RMC1: variants seen among roughly 807,000 people sequenced by gnomAD.
RMC1 encodes regulator of MON1-CCZ1.
In RMC1, 44 loss-of-function variants were observed where a neutral mutation model predicts 95.5. The ratio of observed to expected loss-of-function variants is 0.46; its 90% CI spans 0.36 to 0.59. The LOEUF (loss-of-function observed/expected upper bound fraction) is 0.59. RMC1 is among the 20% of genes least tolerant of loss of function. The pLI is 0.00. For missense variants in RMC1, 705 were observed against 819.6 expected (o/e 0.86, Z 1.71); for synonymous variants, 320 against 303.6 (o/e 1.05, Z -0.56).
intron 12 of RMC1, among the ~76,000 whole-genome samples, chr18:23,525,056 C>T (rs1240722408): frequency 1.4e-5 from 2 of 145,412 alleles, no homozygotes; most frequent in Non-Finnish European, 3.0e-5. Flanking sequence ...AAGCGATTCT[C>T]CTGCCTCAGC....
At chr18:23,503,508 C>A, upstream of RMC1, 1 of 632,182 alleles carries the variant, frequency 1.6e-6, no homozygotes. Context: ...CCGCGCCGGG[C>A]CCAGAGCCGC....
At chr18:23,520,909 G>A (rs1238026400) in intron 10 of RMC1, among the ~76,000 whole-genome samples, 1 of 152,174 alleles carries the variant, frequency 6.6e-6, no homozygotes, top group Non-Finnish European at 1.5e-5. Flanking sequence ...GTAGAGATGG[G>A]GTTTCACCAT....
In RMC1 at chr18:23,529,667, G is replaced by C. The variant is rs2058426494; in HGVS notation, c.1449G>C (p.Leu483=). 6.2e-7 allele frequency: 1 copy of C among 1,613,988 alleles called. No individual in the cohort carries two copies. Among genetic ancestry groups the C allele is most frequent in the Non-Finnish European group, 8.5e-7 (1 of 1,180,020 alleles). ...EMPHKFVIAV[L]MEYIRSLNQF... is the part of the protein sequence containing the mutation. ...CTCATAAATTTGTGATAGCCGTGCT[G>C]ATGGAATACATTCGTTCTCTTAACC... The change falls in exon 16 of 20, where the codon CTG becomes CTC. Residue 483 remains leucine (L), a synonymous_variant. Transcript: ENST00000269221.
intron 5 of RMC1, among the ~76,000 whole-genome samples, chr18:23,511,266 A>G (rs2057850830): frequency 6.6e-6 from 1 of 151,976 alleles, no homozygotes; most frequent in African/African-American, 2.4e-5. Flanking sequence ...TCTAAGTGGG[A>G]GCTAAATGTA....
chr18:23,519,497 G>A (rs545767332), intron 9 of RMC1, among the ~76,000 whole-genome samples: 48 of 151,372 alleles, frequency 3.2e-4, no homozygotes, highest in African/African-American at 1.0e-3. Context: ...CAGCCTGGGT[G>A]ATGGAGCAAG....
At chr18:23,522,530 G>C (rs560475721) in intron 10 of RMC1, 2 of 152,212 alleles carry the variant, frequency 1.3e-5, no homozygotes, top group African/African-American at 4.8e-5. Flanking sequence ...TGTATTTTAT[G>C]TGTGGCCCAA....
chr18:23,517,119 C>T (rs1465486492), intron 7 of RMC1, among the ~76,000 whole-genome samples: 2 of 151,498 alleles, frequency 1.3e-5, no homozygotes, highest in African/African-American at 2.4e-5. Context: ...AACTAAATTA[C>T]GTATATATAG....
chr18:23,514,506 G>A (rs888019556), intron 5 of RMC1, among the ~76,000 whole-genome samples: 10 of 151,864 alleles, frequency 6.6e-5, no homozygotes, highest in South Asian at 4.2e-4. Context: ...GCGGTGAGCC[G>A]AGATTGTGCC....
At chr18:23,518,647 C>CT (rs2058069851) in intron 7 of RMC1, among the ~76,000 whole-genome samples, 1 of 152,154 alleles carries the variant, frequency 6.6e-6, no homozygotes, top group South Asian at 2.1e-4. Context: ...ATTTTAGACT[C>CT]TATGCTTAGG....
intron 14 of RMC1, 95 bp downstream of exon 14, chr18:23,527,996 T>G: frequency 2.0e-6 from 2 of 1,025,602 alleles, no homozygotes; most frequent in African/African-American, 1.6e-5. Flanking sequence ...TCCTATATAT[T>G]AGAATAAGGT....
chr18:23,515,951 G>C lies in RMC1; in HGVS notation c.504G>C (p.Leu168=). The stretch of plus-strand genomic sequence containing the variant: ...GCCCCGAGAGCGCCGTGATCTTGCT[G>C]TCTACCACGGTCCTGGAGAATGTCC... ...MYCPESAVIL[L]STTVLENVLQ... Residue 168 remains leucine (L), a synonymous_variant, in exon 6 of 20, where the codon CTG becomes CTC. Coordinates refer to ENST00000269221, the MANE Select transcript of RMC1 (RefSeq NM_013326.5). 1 of 1,614,126 alleles carries C rather than the reference G, an allele frequency of 6.2e-7. No individual in the cohort carries two copies.
chr18:23,529,994 G>T (rs763240117), intron 16 of RMC1, 34 bp from the exon 17 acceptor site: 1 of 1,554,898 alleles, frequency 6.4e-7, no homozygotes, highest in Non-Finnish European at 8.9e-7. Flanking sequence ...GAATGATTTG[G>T]AAGTGTTCTT....
In RMC1 at chr18:23,531,783, TG is replaced by T; in HGVS notation, c.*80del. The T allele has an allele frequency of 6.4e-7, 1 of 1,553,914 alleles. No homozygotes were observed. Among genetic ancestry groups the T allele is most frequent in the South Asian group, 1.2e-5 (1 of 81,700 alleles). ...TAATAAAGCTCTTTAAACTATAAAA[TG>T]TTATAAAGTGTATCTACAACCTCAA... On this transcript the variant is annotated 3_prime_UTR_variant, in exon 20 of 20. Transcript: ENST00000269221.
At chr18:23,518,453 C>G (rs774494301) in intron 7 of RMC1, among the ~76,000 whole-genome samples, 4 of 151,922 alleles carry the variant, frequency 2.6e-5, no homozygotes, top group Non-Finnish European at 4.4e-5. Context: ...GTGGTTGCAC[C>G]ACTGCATTCC....
At chr18:23,520,454 AT>A (rs1330161667) in intron 10 of RMC1, 141 bp downstream of exon 10, 40 of 708,174 alleles carry the variant, frequency 5.6e-5, no homozygotes, top group Non-Finnish European at 8.4e-5. Flanking sequence ...GCCAGGGGCC[AT>A]TTGTTCCAGT....
Position 23,531,739 on chromosome 18 carries a change from C to CAA in RMC1, c.*37_*38dup, listed in dbSNP as rs1199511973. 2 of 1,591,874 alleles carry CAA rather than the reference C, an allele frequency of 1.3e-6. No individual in the cohort carries two copies. Among genetic ancestry groups the CAA allele is most frequent in the African/African-American group, 2.7e-5 (2 of 73,402 alleles). ...CTGTTTTTTTATATAAAAATGTGTA[C>CAA]AAAGTTAATTTATTGCATTAATAAA... On this transcript the variant is annotated 3_prime_UTR_variant, in exon 20 of 20. Transcript: ENST00000269221.
Position 23,503,516 on chromosome 18 carries a change from C to CGCAGCCGCA in RMC1, c.-100_-92dup. ...GCGGCGTCCGCGCCGGGCCCAGAGCCGCAGCCGCAGCCGCCGCTACAGTCC... is the reference window on the plus strand; with the variant it reads ...GCGGCGTCCGCGCCGGGCCCAGAGCCGCAGCCGCAGCAGCCGCAGCCGCCGCTACAGTCC... On this transcript the variant is annotated 5_prime_UTR_variant, in exon 1 of 20. Transcript: ENST00000269221. 2.8e-6 allele frequency: 2 copies of CGCAGCCGCA among 716,886 alleles called. No individual in the cohort carries two copies. 44.4% of individuals were successfully genotyped at this position (716,886 alleles called of 1,614,324 possible).
rs532122313 is a variant in RMC1, at chr18:23,519,042, A to T, written c.744-27A>T. 4.3e-6 allele frequency: 7 copies of T among 1,613,002 alleles called. No individual in the cohort carries two copies. The East Asian group carries it at 1.6e-4, about 36-fold the overall frequency. On this transcript the variant is annotated intron_variant, in intron 8 of 19. Transcript: ENST00000269221. ...TTAAAATGTGAACTGCAGCTTGTTG[A>T]TCTGTTTTTTGCTTTCTATCCTACA...
chr18:23,526,528 C>G, intron 12 of RMC1, 109 bp from the exon 13 acceptor site: 1 of 1,383,356 alleles, frequency 7.2e-7, no homozygotes, highest in Non-Finnish European at 9.8e-7. Context: ...TACTTTGCGG[C>G]TTTTTATCAC....
Sources: gnomAD v4.1 joint callset for allele counts (sites outside exome capture counted in the v4.1 genomes callset) on GRCh38, gnomAD v4.1.1 for gene constraint, MANE v1.5 for transcripts, NCBI Gene and HGNC (gene_info 2026-07-23, HGNC 2026-07-21) for gene names.